The following AGTPBP1 variants were observed in gnomAD, a reference collection of about 807,000 sequenced individuals.
AGTPBP1 encodes the protein cytosolic carboxypeptidase 1.
A neutral mutation model predicts 143.9 loss-of-function variants in AGTPBP1; 70 were observed. The observed-to-expected ratio is 0.49, with a 90% CI of 0.40 to 0.59. AGTPBP1 has a LOEUF of 0.59. AGTPBP1 is among the 20% of genes least tolerant of loss of function. The pLI, the probability that AGTPBP1 is intolerant of heterozygous loss-of-function variation, is 0.00. For missense variants in AGTPBP1, 1,229 were observed against 1,464.5 expected (o/e 0.84, Z 2.62); for synonymous variants, 463 against 500.2 (o/e 0.93, Z 0.99).
At chr9:85,780,978 G>A in the AGTPBP1 span, among the ~76,000 whole-genome samples, 5 of 152,182 alleles carry the variant, frequency 3.3e-5, no homozygotes, top group South Asian at 2.1e-4. Flanking sequence ...TTAGCCGGGC[G>A]TGGTGCTGGG....
At chr9:85,692,856 G>A (rs62569243) in intron 2 of AGTPBP1, 43 bp from the exon 3 acceptor site, 32,390 of 1,594,882 alleles carry the variant, frequency 0.02, 396 homozygotes, top group Middle Eastern at 0.03. Context: ...TAAATCAATG[G>A]TGTAAATTCA....
chr9:85,669,014 T>TACACACACACACAC (rs139321417), intron 8 of AGTPBP1, among the ~76,000 whole-genome samples: 10 of 120,514 alleles, frequency 8.3e-5, no homozygotes, highest in Non-Finnish European at 1.4e-4. Context: ...TGTGTATACA[T>TACACACACACACAC]ACACACACAC....
intron 2 of AGTPBP1, among the ~76,000 whole-genome samples, chr9:85,697,004 C>T (rs971940640): frequency 1.3e-5 from 2 of 152,146 alleles, no homozygotes; most frequent in Non-Finnish European, 2.9e-5. Flanking sequence ...ATGACTTTTG[C>T]TTTGATCACA....
In AGTPBP1 at chr9:85,632,756, G is replaced by A; in HGVS notation, c.1921C>T (p.Pro641Ser). The stretch of plus-strand genomic sequence containing the variant: ...GGATAAGCCACCTCTGAATATTCTG[G>A]GACAGACTTCGTATTTTTCACAATC... ...IEIVKNTKSV[P>S]EYSEVAYPDY... The change falls in exon 14 of 26, where the codon CCA (proline) becomes TCA (serine). Residue 641 changes from proline to serine, a missense_variant. Coordinates refer to ENST00000357081, the MANE Select transcript of AGTPBP1 (RefSeq NM_001330701.2). 1 of 1,614,036 alleles carries A rather than the reference G, an allele frequency of 6.2e-7. No individual in the cohort carries two copies. Among genetic ancestry groups the A allele is most frequent in the South Asian group, 1.1e-5 (1 of 91,076 alleles).
intron 17 of AGTPBP1, 23 bp from the exon 18 acceptor site, chr9:85,596,472 G>C (rs41282441): frequency 0.018 from 25,579 of 1,461,426 alleles, 282 homozygotes; most frequent in Non-Finnish European, 0.02. Flanking sequence ...GAAAAAAAGA[G>C]AGAAAATTAT....
At chr9:85,726,791 T>C (rs1838523506) in intron 1 of AGTPBP1, among the ~76,000 whole-genome samples, 1 of 152,140 alleles carries the variant, frequency 6.6e-6, no homozygotes, top group African/African-American at 2.4e-5. Flanking sequence ...ATAAAGATTT[T>C]GTTTTAAAAA....
At chr9:85,704,268 A>C (rs1468120551) in intron 2 of AGTPBP1, among the ~76,000 whole-genome samples, 1 of 152,198 alleles carries the variant, frequency 6.6e-6, no homozygotes, top group Non-Finnish European at 1.5e-5. Flanking sequence ...AGAGATGACC[A>C]GAGGAGAGAG....
Position 85,696,021 on chromosome 9 carries a change from T to C in AGTPBP1, c.33-3208A>G, listed in dbSNP as rs142868129. 2.4e-3 allele frequency among the ~76,000 whole-genome samples: 370 copies of C among 152,236 alleles called. 1 individual carries two copies. The highest frequency in any genetic ancestry group is 7.9e-3 in the African/African-American group (327 of 41,550). On this transcript the variant is annotated intron_variant, in intron 2 of 25. Coordinates refer to ENST00000357081, the MANE Select transcript of AGTPBP1 (RefSeq NM_001330701.2). ...TACACCCAGCTAATTTTTATATTTTTAGTAGAGACGGGGTTTCACCACGTT... is the reference window on the plus strand; with the variant it reads ...TACACCCAGCTAATTTTTATATTTTCAGTAGAGACGGGGTTTCACCACGTT...
chr9:85,731,106 T>C (rs1202007376), intron 1 of AGTPBP1, among the ~76,000 whole-genome samples: 4 of 152,190 alleles, frequency 2.6e-5, no homozygotes, highest in Admixed American at 2.6e-4. Flanking sequence ...AGTTGTGACA[T>C]CAACTTTTTT....
the AGTPBP1 span, among the ~76,000 whole-genome samples, chr9:85,751,790 A>G: frequency 6.6e-6 from 1 of 151,830 alleles, no homozygotes; most frequent in Non-Finnish European, 1.5e-5. Flanking sequence ...TATTTTTAGT[A>G]GAGACGGGGT....
intron 18 of AGTPBP1, among the ~76,000 whole-genome samples, chr9:85,595,963 G>A (rs1673320086): frequency 6.6e-6 from 1 of 152,132 alleles, no homozygotes; most frequent in African/African-American, 2.4e-5. Context: ...AAATATTTGT[G>A]TGTTAATATA....
the AGTPBP1 span, among the ~76,000 whole-genome samples, chr9:85,748,742 A>G: frequency 6.6e-6 from 1 of 152,154 alleles, no homozygotes. Context: ...TCCAATTTTC[A>G]TTTCTTCTGC....
intron 1 of AGTPBP1, among the ~76,000 whole-genome samples, chr9:85,718,029 T>C (rs1027851974): frequency 6.6e-6 from 1 of 152,246 alleles, no homozygotes; most frequent in African/African-American, 2.4e-5. Context: ...TATGGCTGCA[T>C]AGTATTCCAT....
chr9:85,657,727 A>C (rs1397123512), intron 9 of AGTPBP1, 84 bp from the exon 10 acceptor site: 1 of 918,188 alleles, frequency 1.1e-6, no homozygotes, highest in East Asian at 2.7e-5. Flanking sequence ...ATATTACCTC[A>C]ATATTGTGAT....
intron 25 of AGTPBP1, among the ~76,000 whole-genome samples, chr9:85,573,478 C>T (rs952978685): frequency 3.7e-4 from 57 of 152,292 alleles, no homozygotes; most frequent in African/African-American, 1.3e-3. Context: ...CAGCCGCCTG[C>T]CTTGGTCTCC....
intron 25 of AGTPBP1, among the ~76,000 whole-genome samples, chr9:85,573,664 C>T (rs1475057297): frequency 6.6e-6 from 1 of 151,704 alleles, no homozygotes; most frequent in African/African-American, 2.4e-5. Flanking sequence ...GTGAGGAGAG[C>T]CTCTTCCCGG....
chr9:85,562,832 T>C (rs1450926905), intron 25 of AGTPBP1, among the ~76,000 whole-genome samples: 1 of 152,158 alleles, frequency 6.6e-6, no homozygotes, highest in Non-Finnish European at 1.5e-5. Flanking sequence ...CCCCCTCCCA[T>C]CCCAATTCAT....
chr9:85,750,555 G>C, the AGTPBP1 span, among the ~76,000 whole-genome samples: 1 of 152,110 alleles, frequency 6.6e-6, no homozygotes, highest in East Asian at 1.9e-4. Context: ...CAGGTCTTTT[G>C]AATAAGAATG....
the AGTPBP1 span, among the ~76,000 whole-genome samples, chr9:85,778,367 C>CA: frequency 1.6e-4 from 23 of 144,902 alleles, no homozygotes; most frequent in African/African-American, 5.3e-4. Flanking sequence ...CAGAAGATGG[C>CA]GGGGCCTTGC....
Sources: gnomAD v4.1 joint callset for allele counts (sites outside exome capture counted in the v4.1 genomes callset) on GRCh38, gnomAD v4.1.1 for gene constraint, MANE v1.5 for transcripts, NCBI Gene and HGNC (gene_info 2026-07-23, HGNC 2026-07-21) for gene names.